UNC13C: variants seen among roughly 807,000 people sequenced by gnomAD.
UNC13C encodes the protein protein unc-13 homolog C.
A neutral mutation model predicts 245.4 loss-of-function variants in UNC13C; 174 were observed. That is an observed-to-expected ratio of 0.71 (90% CI 0.63 to 0.80). UNC13C has a LOEUF of 0.80. Ranked by LOEUF, UNC13C falls within the 30% of genes least tolerant of loss-of-function variation. UNC13C has a pLI of 0.00. For synonymous variants in UNC13C, 992 were observed against 895.1 expected (o/e 1.11, Z -1.93); for missense variants, 2,829 against 2,602.9 (o/e 1.09, Z -1.89).
At chr15:53,944,624 C>T in the UNC13C span, among the ~76,000 whole-genome samples, 1 of 152,072 alleles carries the variant, frequency 6.6e-6, no homozygotes, top group African/African-American at 2.4e-5. Flanking sequence ...TATATATGTA[C>T]CACATGGTAT....
At chr15:54,290,769 A>T (rs938651643) in intron 10 of UNC13C, among the ~76,000 whole-genome samples, 1 of 152,070 alleles carries the variant, frequency 6.6e-6, no homozygotes, top group Non-Finnish European at 1.5e-5. Flanking sequence ...AATGAGATGG[A>T]TATTTTTTCT....
At chr15:53,987,962 G>A (rs1471607508) in intron 1 of UNC13C, among the ~76,000 whole-genome samples, 1 of 152,030 alleles carries the variant, frequency 6.6e-6, no homozygotes, top group Non-Finnish European at 1.5e-5. Flanking sequence ...GAGAAATGAA[G>A]TTCAGTTTCA....
At chr15:54,359,896 GGTTTTT>G (rs1393125629) in intron 17 of UNC13C, among the ~76,000 whole-genome samples, 3 of 151,476 alleles carry the variant, frequency 2.0e-5, no homozygotes, top group African/African-American at 7.3e-5. Context: ...AAGTTTAGTT[GGTTTTT>G]GTTTTTCTAG....
chr15:54,078,297 T>C (rs1898744905), intron 2 of UNC13C, among the ~76,000 whole-genome samples: 3 of 152,232 alleles, frequency 2.0e-5, no homozygotes, highest in Non-Finnish European at 4.4e-5. Context: ...GCAATAACCA[T>C]AAGAGTCCGG....
the UNC13C span, among the ~76,000 whole-genome samples, chr15:53,863,609 A>G: frequency 4.5e-3 from 682 of 152,316 alleles, 4 homozygotes; most frequent in African/African-American, 0.016. Context: ...CAATCATTCA[A>G]TAGACTAGTA....
At chr15:54,034,045 A>T (rs2141022042) in intron 2 of UNC13C, among the ~76,000 whole-genome samples, 1 of 152,338 alleles carries the variant, frequency 6.6e-6, no homozygotes, top group Non-Finnish European at 1.5e-5. Context: ...TGGCCAATCC[A>T]TTCTGCGAGC....
intron 1 of UNC13C, among the ~76,000 whole-genome samples, chr15:54,006,880 G>T (rs1895161585): frequency 6.6e-6 from 1 of 152,074 alleles, no homozygotes; most frequent in Non-Finnish European, 1.5e-5. Flanking sequence ...AAAGTTACTT[G>T]GTCGGTGTGC....
At chr15:54,317,354 A>G (rs1300976625) in intron 13 of UNC13C, among the ~76,000 whole-genome samples, 1 of 151,918 alleles carries the variant, frequency 6.6e-6, no homozygotes, top group African/African-American at 2.4e-5. Context: ...ATTTTCACAT[A>G]TAACCTATGA....
At chr15:54,240,029 G>A (rs1433547025) in intron 7 of UNC13C, among the ~76,000 whole-genome samples, 1 of 152,196 alleles carries the variant, frequency 6.6e-6, no homozygotes, top group Non-Finnish European at 1.5e-5. Flanking sequence ...ATAGAAATTA[G>A]TGGAATGCTA....
intron 2 of UNC13C, among the ~76,000 whole-genome samples, chr15:54,134,602 C>G (rs1244796144): frequency 6.6e-6 from 1 of 152,076 alleles, no homozygotes; most frequent in Non-Finnish European, 1.5e-5. Context: ...TCACTGCAAG[C>G]TCCGCCCCCA....
intron 2 of UNC13C, among the ~76,000 whole-genome samples, chr15:54,029,069 A>G (rs1441971067): frequency 6.6e-6 from 1 of 152,192 alleles, no homozygotes; most frequent in Non-Finnish European, 1.5e-5. Context: ...CTTCCTAAAC[A>G]TTTCTTAACT....
chr15:54,370,528 C>A (rs1028170656), intron 17 of UNC13C, among the ~76,000 whole-genome samples: 10 of 152,274 alleles, frequency 6.6e-5, no homozygotes, highest in Non-Finnish European at 8.8e-5. Flanking sequence ...TATCATGATA[C>A]GATCATGTCT....
At chr15:54,175,482 A>C (rs2033575455) in intron 4 of UNC13C, among the ~76,000 whole-genome samples, 1 of 150,742 alleles carries the variant, frequency 6.6e-6, no homozygotes, top group African/African-American at 2.5e-5. Context: ...CTTTGTTCCC[A>C]AAAACACTGT....
chr15:54,544,600 C>T (rs1310929948), intron 26 of UNC13C, among the ~76,000 whole-genome samples: 1 of 152,156 alleles, frequency 6.6e-6, no homozygotes, highest in Non-Finnish European at 1.5e-5. Flanking sequence ...TAAGCAAAGT[C>T]TCAGGATACA....
At chr15:53,906,263 C>G in the UNC13C span, among the ~76,000 whole-genome samples, 3 of 152,064 alleles carry the variant, frequency 2.0e-5, no homozygotes, top group African/African-American at 7.2e-5. Flanking sequence ...GAGGTGGAGT[C>G]TGCAGTGAAT....
intron 14 of UNC13C, among the ~76,000 whole-genome samples, chr15:54,323,874 T>C (rs1400278789): frequency 1.3e-5 from 2 of 152,032 alleles, no homozygotes; most frequent in African/African-American, 4.8e-5. Flanking sequence ...TCATGGAACA[T>C]TGAGCCTTTC....
At chr15:54,170,629 A>C (rs759938230) in intron 4 of UNC13C, among the ~76,000 whole-genome samples, 3 of 152,110 alleles carry the variant, frequency 2.0e-5, no homozygotes, top group Non-Finnish European at 4.4e-5. Context: ...GAACAGGTTA[A>C]AGGATTTTAT....
chr15:54,255,650 C>T (rs1275007976), intron 8 of UNC13C, among the ~76,000 whole-genome samples: 1 of 147,006 alleles, frequency 6.8e-6, no homozygotes, highest in Non-Finnish European at 1.5e-5. Flanking sequence ...TTTATAGGCA[C>T]AGGATGGGGG....
Position 54,408,199 on chromosome 15 carries a change from C to CAAAAAAAAAAAA in UNC13C, c.4848-6764_4848-6753dup, listed in dbSNP as rs71105808. ...TGGGTGACAGAGTGAGACTCTGCCTCAAAAAAAAAAAAAAAAAAAAAAAAA... is the reference window on the plus strand; with the variant it reads ...TGGGTGACAGAGTGAGACTCTGCCTCAAAAAAAAAAAAAAAAAAAAAAAAAAAAAAAAAAAAA... On this transcript the variant is annotated intron_variant, in intron 18 of 32. Coordinates refer to ENST00000260323, the MANE Select transcript of UNC13C (RefSeq NM_001080534.3). 9.7e-3 allele frequency among the ~76,000 whole-genome samples: 281 copies of CAAAAAAAAAAAA among 29,108 alleles called. 59 individuals carry two copies. The highest frequency in any genetic ancestry group is 0.17 in the Middle Eastern group (1 of 6). The allele number at this position is 29,108 out of a possible 152,430, so 19.1% of individuals were successfully genotyped here.
Sources: allele counts gnomAD v4.1 joint callset (sites outside exome capture counted in the v4.1 genomes callset), GRCh38; gene constraint gnomAD v4.1.1; transcripts MANE v1.5; gene names NCBI Gene and HGNC (gene_info 2026-07-23, HGNC 2026-07-21).